ADH1A: variants seen among roughly 807,000 people sequenced by gnomAD.
The protein encoded by ADH1A is alcohol dehydrogenase 1A (class I), alpha polypeptide.
A neutral mutation model predicts 35.2 loss-of-function variants in ADH1A; 29 were observed. The observed-to-expected ratio is 0.82, with a 90% CI of 0.61 to 1.12. The LOEUF (loss-of-function observed/expected upper bound fraction) is 1.12, where lower values mean the gene tolerates loss of function less well. Ranked by LOEUF, ADH1A falls within the 50% of genes most tolerant of loss-of-function variation. The probability of loss-of-function intolerance (pLI) is 0.00; values close to 1 mark genes in which losing one functional copy is unlikely to be tolerated. For synonymous variants in ADH1A, 147 were observed against 164.8 expected, an observed-to-expected ratio of 0.89 and a Z score of 0.83; for missense variants, 469 against 464.7, an observed-to-expected ratio of 1.01 and a Z score of -0.09.
At chr4:99,289,163 G>T (rs1325159970) in intron 1 of ADH1A, among the ~76,000 whole-genome samples, 1 of 152,098 alleles carries the variant, frequency 6.6e-6, no homozygotes, top group Non-Finnish European at 1.5e-5. Context: ...CTGTTTAATG[G>T]CTGAGTAGTA....
intron 8 of ADH1A, among the ~76,000 whole-genome samples, chr4:99,278,224 G>A (rs1318185590): frequency 1.3e-5 from 2 of 152,050 alleles, no homozygotes; most frequent in Non-Finnish European, 2.9e-5. Context: ...CTATGATGAT[G>A]ATGATGATCA....
chr4:99,276,379 G>T lies in ADH1A; in HGVS notation c.*245C>A, dbSNP rs2110600318. ...ATGACACAAGTAGAATGGTTAAGAA[G>T]GAAGGTTTATTGGCTTCAATTCCCC... On this transcript the variant is annotated 3_prime_UTR_variant, in exon 9 of 9. Transcript: ENST00000209668. 1 of 542,474 alleles carries T rather than the reference G, an allele frequency of 1.8e-6. No individual in the cohort carries two copies. The highest frequency in any genetic ancestry group is 3.3e-5 in the East Asian group (1 of 30,606). 33.6% of individuals were successfully genotyped at this position (542,474 alleles called of 1,614,324 possible).
rs1732943159 is a variant in ADH1A at position 99,279,426 on chromosome 4, C to A, written c.1103G>T (p.Ser368Ile). ...ACAGAAAACTAACTAAAAAATCTAC[C>A]TTTTCCCAGAGTGAAGCAGGTCAAA... ...EGFDLLHSGK[S>I]IRTILMF Residue 368 changes from serine (S) to isoleucine (I), a missense_variant and splice_region_variant, in exon 8 of 9, where the codon AGT becomes ATT. By Grantham distance (142) the Ser-to-Ile change is moderately radical. Transcript: ENST00000209668. 5.7e-6 allele frequency: 9 copies of A among 1,588,438 alleles called. No homozygotes were observed. In the East Asian group the frequency reaches 1.8e-4, roughly 32 times the overall value.
Position 99,280,188 on chromosome 4 carries a change from A to G in ADH1A, c.920T>C (p.Met307Thr), listed in dbSNP as rs1457246623. 1.9e-5 allele frequency: 30 copies of G among 1,613,792 alleles called. No individual in the cohort carries two copies. Among genetic ancestry groups the G allele is most frequent in the Non-Finnish European group, 2.4e-5 (28 of 1,179,876 alleles). ...PDSQNLSMNP[M>T]LLLTGRTWKG... Reference sequence around the variant, plus strand: ...CCAGGTACGTCCAGTCAGTAGCAGCATAGGGTTCATTGAGAGGTTTTGGGA... The same window carrying G: ...CCAGGTACGTCCAGTCAGTAGCAGCGTAGGGTTCATTGAGAGGTTTTGGGA... Residue 307 changes from methionine (M) to threonine (T), a missense_variant, in exon 7 of 9, where the codon ATG (methionine) becomes ACG (threonine). Met to Thr is a moderately conservative substitution (Grantham distance 81). Coordinates refer to ENST00000209668, the MANE Select transcript of ADH1A (RefSeq NM_000667.4).
intron 8 of ADH1A, among the ~76,000 whole-genome samples, chr4:99,278,180 G>T (rs1732913104): frequency 6.6e-6 from 1 of 151,954 alleles, no homozygotes; most frequent in Admixed American, 6.6e-5. Flanking sequence ...TTCTGGTTTT[G>T]TTCATCTCTA....
In ADH1A at chr4:99,287,589, G is replaced by C; in HGVS notation, c.95C>G (p.Pro32Arg). ...CTTAATACGAACTTCATGGGCCTTA[G>C]GAGGTGCAACCTCCACCTCCTCAAT... ...FSIEEVEVAP[P>R]KAHEVRIKMV... is the part of the protein sequence containing the mutation. Residue 32 changes from proline (P) to arginine (R), a missense_variant, in exon 2 of 9, where the codon CCT (proline) becomes CGT (arginine). Coordinates refer to ENST00000209668, the MANE Select transcript of ADH1A (RefSeq NM_000667.4). 6.2e-7 allele frequency: 1 copy of C among 1,613,790 alleles called. No individual in the cohort carries two copies. Among genetic ancestry groups the C allele is most frequent in the Non-Finnish European group, 8.5e-7 (1 of 1,179,844 alleles).
intron 8 of ADH1A, 101 bp from the exon 9 acceptor site, chr4:99,276,749 T>C: frequency 8.8e-7 from 1 of 1,130,430 alleles, no homozygotes; most frequent in Non-Finnish European, 1.3e-6. Context: ...CTGTCTGTTC[T>C]CAGCCACTCT....
chr4:99,284,079 T>C (rs1733074283), intron 5 of ADH1A, among the ~76,000 whole-genome samples: 1 of 152,212 alleles, frequency 6.6e-6, no homozygotes, highest in African/African-American at 2.4e-5. Flanking sequence ...CTGAAGCATG[T>C]GTAGGTGCTC....
rs1049761524 is a variant in ADH1A, at chr4:99,284,761, C to T, written c.302G>A (p.Cys101Tyr). 5 of 1,614,188 alleles carry T rather than the reference C, an allele frequency of 3.1e-6. No individual in the cohort carries two copies. The African/African-American group carries it at 4.0e-5, about 13-fold the overall frequency. The change falls in exon 4 of 9, where the codon TGC (cysteine) becomes TAC (tyrosine). Residue 101 changes from cysteine (C) to tyrosine (Y), a missense_variant. Coordinates refer to ENST00000209668, the MANE Select transcript of ADH1A (RefSeq NM_000667.4). ...IPLAIPQCGKCRICKNPESNY... is the reference protein window; with the variant it reads ...IPLAIPQCGKYRICKNPESNY... Reference sequence around the variant, plus strand: ...GCTCTCCGGGTTTTTACAAATTCTGCATTTTCCACACTGAGGAATAGCGAG... The same window carrying T: ...GCTCTCCGGGTTTTTACAAATTCTGTATTTTCCACACTGAGGAATAGCGAG...
intron 2 of ADH1A, among the ~76,000 whole-genome samples, chr4:99,287,316 A>G (rs1733177001): frequency 6.6e-6 from 1 of 152,210 alleles, no homozygotes; most frequent in Non-Finnish European, 1.5e-5. Flanking sequence ...TCTAATGCTA[A>G]TTGATTTTGA....
At chr4:99,281,900 C>A in intron 6 of ADH1A, 1 of 195,936 alleles carries the variant, frequency 5.1e-6, no homozygotes, top group Non-Finnish European at 1.1e-5. Flanking sequence ...CCTAAAATTG[C>A]TTACTTCTTT....
At chr4:99,288,782 C>G (rs1191785681) in intron 1 of ADH1A, 1 of 151,978 alleles carries the variant, frequency 6.6e-6, no homozygotes, top group Non-Finnish European at 1.5e-5. Context: ...GTGGCCTGTG[C>G]TCGGTGAGTT....
intron 8 of ADH1A, among the ~76,000 whole-genome samples, chr4:99,277,115 G>A (rs1201413442): frequency 2.0e-5 from 3 of 151,554 alleles, no homozygotes; most frequent in African/African-American, 7.3e-5. Flanking sequence ...AGAAAGATTT[G>A]TAACTTGGTC....
intron 3 of ADH1A, 156 bp downstream of exon 3, chr4:99,286,694 C>T (rs1340353387): frequency 6.3e-6 from 8 of 1,276,574 alleles, no homozygotes; most frequent in Non-Finnish European, 8.7e-6. Context: ...ATGCTTGAGT[C>T]AGGCAGGAAG....
At chr4:99,281,475 T>C (rs898147955) in intron 6 of ADH1A, among the ~76,000 whole-genome samples, 2 of 152,166 alleles carry the variant, frequency 1.3e-5, no homozygotes, top group Non-Finnish European at 2.9e-5. Flanking sequence ...GCGTGGTAGC[T>C]CGTTCCTATA....
intron 8 of ADH1A, among the ~76,000 whole-genome samples, chr4:99,278,707 A>G (rs1029845195): frequency 6.6e-5 from 10 of 152,160 alleles, no homozygotes; most frequent in African/African-American, 9.6e-5. Context: ...CAGAAGTTAG[A>G]TATAACTGCC....
chr4:99,286,649 T>C, intron 3 of ADH1A: 6 of 814,736 alleles, frequency 7.4e-6, no homozygotes, highest in Non-Finnish European at 1.1e-5. Context: ...ACATAATTGT[T>C]GAAGGGTAGA....
chr4:99,279,094 C>A (rs1732933507), intron 8 of ADH1A, among the ~76,000 whole-genome samples: 1 of 151,838 alleles, frequency 6.6e-6, no homozygotes, highest in Non-Finnish European at 1.5e-5. Flanking sequence ...TTCAATGACA[C>A]CATGTTATAA....
chr4:99,276,909 A>G (rs1732883419), intron 8 of ADH1A, among the ~76,000 whole-genome samples: 1 of 152,188 alleles, frequency 6.6e-6, no homozygotes, highest in African/African-American at 2.4e-5. Context: ...AGCATCTTCA[A>G]AAAATCATTG....
Sources: allele counts gnomAD v4.1 joint callset (sites outside exome capture counted in the v4.1 genomes callset), GRCh38; gene constraint gnomAD v4.1.1; transcripts MANE v1.5; gene names NCBI Gene and HGNC (gene_info 2026-07-23, HGNC 2026-07-21).